USP36: variants seen among roughly 807,000 people sequenced by gnomAD.
The protein encoded by USP36 is ubiquitin specific peptidase 36, also known as ubiquitin carboxyl-terminal hydrolase 36.
A neutral mutation model predicts 111.5 loss-of-function variants in USP36; 59 were observed. That is an observed-to-expected ratio of 0.53 (90% confidence interval 0.43 to 0.66). The LOEUF (loss-of-function observed/expected upper bound fraction) is 0.66. USP36 is among the 30% of genes least tolerant of loss of function. The probability of loss-of-function intolerance (pLI) is 0.00; values close to 1 mark genes in which losing one functional copy is unlikely to be tolerated. For missense variants in USP36, 1,488 were observed against 1,468.0 expected, an observed-to-expected ratio of 1.01 and a Z score of -0.22; for synonymous variants, 628 against 581.0, an observed-to-expected ratio of 1.08 and a Z score of -1.16.
In USP36 at chr17:78,802,388, A is replaced by G. The variant is rs770127933; in HGVS notation, c.2958T>C (p.Ala986=). The part of the protein sequence containing the change: ...KCPRSAKPQD[A]VVPESSSCAP... ...CGCAGCTGCTGGACTCGGGGACAACAGCATCTTGGGGCTTGGCACTCCTTG... is the reference window on the plus strand; with the variant it reads ...CGCAGCTGCTGGACTCGGGGACAACGGCATCTTGGGGCTTGGCACTCCTTG... The change falls in exon 17 of 21, where the codon GCT becomes GCC. Residue 986 remains alanine (A), a synonymous_variant. Coordinates refer to ENST00000449938, the MANE Select transcript of USP36 (RefSeq NM_001385174.1). 3.1e-6 allele frequency: 5 copies of G among 1,609,608 alleles called. No individual in the cohort carries two copies. In the South Asian group the frequency reaches 4.4e-5, roughly 14 times the overall value.
chr17:78,818,326 T>G (rs1000959947), intron 10 of USP36, among the ~76,000 whole-genome samples: 3 of 152,150 alleles, frequency 2.0e-5, no homozygotes, highest in African/African-American at 7.2e-5. Context: ...ACAGTGGCCC[T>G]GGAACTTGAC....
At position 78,807,301 on chromosome 17, in the gene USP36, G is replaced by T. The variant is rs996284931; in HGVS notation, c.1743C>A (p.Thr581=). The change falls in exon 14 of 21, where the codon ACC becomes ACA. Residue 581 remains threonine, a synonymous_variant. Transcript: ENST00000449938. ...TGGCTGTAGCCAGGAGCTTAGGTGA[G>T]GTAGAGAGGACAACATCCCTGCTGT... ...SWDSRDVVLS[T]SPKLLATATA... 1 of 1,614,198 alleles carries T rather than the reference G, an allele frequency of 6.2e-7. No individual in the cohort carries two copies. Among genetic ancestry groups the T allele is most frequent in the Non-Finnish European group, 8.5e-7 (1 of 1,180,016 alleles).
chr17:78,838,875 C>T (rs548864508), intron 1 of USP36, 125 bp from the exon 2 acceptor site: 1 of 152,306 alleles, frequency 6.6e-6, no homozygotes, highest in Admixed American at 6.5e-5. Flanking sequence ...CAAGGAGCAT[C>T]CACGCGTGCA....
chr17:78,836,863 T>C (rs1401682804), intron 2 of USP36, among the ~76,000 whole-genome samples: 2 of 151,964 alleles, frequency 1.3e-5, no homozygotes, highest in Non-Finnish European at 2.9e-5. Flanking sequence ...TGAATTAGCA[T>C]GCAGGTCAGA....
At chr17:78,835,801 T>G (rs1317598006) in intron 3 of USP36, among the ~76,000 whole-genome samples, 1 of 152,152 alleles carries the variant, frequency 6.6e-6, no homozygotes, top group Non-Finnish European at 1.5e-5. Context: ...CACCACACTG[T>G]GCCCACATGC....
chr17:78,822,798 T>C (rs1214685842), intron 6 of USP36, among the ~76,000 whole-genome samples: 2 of 152,210 alleles, frequency 1.3e-5, no homozygotes, highest in African/African-American at 4.8e-5. Context: ...CTCACTGCTC[T>C]GGAACTGCCT....
At chr17:78,794,352 C>T (rs908314124), downstream of USP36, among the ~76,000 whole-genome samples, 4 of 152,320 alleles carry the variant, frequency 2.6e-5, no homozygotes, top group South Asian at 4.1e-4. Flanking sequence ...ACCTGCCCTG[C>T]GCTTTTGCAC....
intron 18 of USP36, among the ~76,000 whole-genome samples, chr17:78,799,377 G>C (rs1456263587): frequency 6.6e-6 from 1 of 152,142 alleles, no homozygotes; most frequent in Non-Finnish European, 1.5e-5. Flanking sequence ...GAAGAGCTTC[G>C]TCACTCTGCC....
In USP36 at chr17:78,836,494, T is replaced by TGATCCCCTGGATCAGC. The variant is rs575454536; in HGVS notation, c.-9-138_-9-123dup. The TGATCCCCTGGATCAGC allele has an allele frequency of 1.9e-4, 244 of 1,306,386 alleles. 3 individuals are homozygous for TGATCCCCTGGATCAGC. In the East Asian group the frequency reaches 4.5e-3, roughly 24 times the overall value. The allele number at this position is 1,306,386 out of a possible 1,614,324, so 80.9% of individuals were successfully genotyped here. ...CACCACAAAAGCTCCCCTGGATCAG[T>TGATCCCCTGGATCAGC]GATCCCCTGGATCAGCTGCACAAAG... On this transcript the variant is annotated intron_variant, in intron 2 of 20. Coordinates refer to ENST00000449938, the MANE Select transcript of USP36 (RefSeq NM_001385174.1).
chr17:78,823,958 T>C (rs1263642228), intron 6 of USP36, among the ~76,000 whole-genome samples: 1 of 151,934 alleles, frequency 6.6e-6, no homozygotes, highest in East Asian at 1.9e-4. Context: ...AAAGCAGCAA[T>C]GAACAAGAAT....
rs1049976084 is a variant in USP36, at chr17:78,807,646, C to A, written c.1408-10G>T. 4.6e-5 allele frequency: 69 copies of A among 1,515,228 alleles called. No homozygotes were observed. The highest frequency in any genetic ancestry group is 5.6e-5 in the African/African-American group (4 of 71,606). The allele number at this position is 1,515,228 out of a possible 1,614,324, so 93.9% of individuals were successfully genotyped here. On this transcript the variant is annotated splice_polypyrimidine_tract_variant and intron_variant, in intron 13 of 20. Coordinates refer to ENST00000449938, the MANE Select transcript of USP36 (RefSeq NM_001385174.1). ...TCCCAGAGTCTTGTCGCTAAGGAGA[C>A]CAAAGCAGAAAACACAACTGAGGAA...
intron 10 of USP36, 71 bp downstream of exon 10, chr17:78,818,596 A>G: frequency 7.3e-7 from 1 of 1,373,068 alleles, no homozygotes; most frequent in Non-Finnish European, 1.0e-6. Flanking sequence ...CGTGGCTATC[A>G]CTTTCTTCGT....
intron 3 of USP36, among the ~76,000 whole-genome samples, chr17:78,788,919 G>A (rs1430957969): frequency 1.3e-5 from 2 of 152,086 alleles, no homozygotes; most frequent in African/African-American, 4.8e-5. Context: ...GAGAGATGAG[G>A]CCAGGTGCGG....
chr17:78,808,785 T>C (rs761865292), intron 13 of USP36, among the ~76,000 whole-genome samples: 1 of 152,162 alleles, frequency 6.6e-6, no homozygotes, highest in Non-Finnish European at 1.5e-5. Flanking sequence ...ACCAAGAGGC[T>C]GTACCCGTTA....
In USP36 at chr17:78,835,564, C is replaced by G. The variant is rs2068587009; in HGVS notation, c.254-63G>C. On this transcript the variant is annotated intron_variant, in intron 3 of 20. Coordinates refer to ENST00000449938, the MANE Select transcript of USP36 (RefSeq NM_001385174.1). ...CGTAAGTCCACACACAGGTCGTCCA[C>G]AAAAAGAAACTCCTGAAGCATACAC... is the stretch of plus-strand genomic sequence containing the variant. The G allele has an allele frequency of 3.2e-5, 48 of 1,477,756 alleles. 1 individual carries two copies. The South Asian group carries it at 5.9e-4, about 18-fold the overall frequency. The allele number at this position is 1,477,756 out of a possible 1,614,324, so 91.5% of individuals were successfully genotyped here. A position where few individuals can be genotyped will look rare whatever the true frequency, so the allele number is the denominator to read the frequency against.
At chr17:78,824,682 T>C (rs1301560997) in intron 6 of USP36, among the ~76,000 whole-genome samples, 1 of 152,128 alleles carries the variant, frequency 6.6e-6, no homozygotes, top group Admixed American at 6.5e-5. Flanking sequence ...ATAAAATACA[T>C]AAATATGACA....
intron 13 of USP36, among the ~76,000 whole-genome samples, chr17:78,809,016 T>C (rs1450215968): frequency 6.6e-6 from 1 of 152,216 alleles, no homozygotes; most frequent in African/African-American, 2.4e-5. Context: ...TCCAGCCACA[T>C]CTATTTTTCA....
At chr17:78,824,131 G>A (rs1300452363) in intron 6 of USP36, among the ~76,000 whole-genome samples, 1 of 152,240 alleles carries the variant, frequency 6.6e-6, no homozygotes, top group Non-Finnish European at 1.5e-5. Flanking sequence ...ACTTATGAGA[G>A]GCCGGGCTTC....
Position 78,798,338 on chromosome 17 carries a change from T to A in USP36, c.*20+62A>T. Reference sequence around the variant, plus strand: ...CACACGCCACACCCCACCACACCCCTACACACATACACGGCACACACACCC... The same window carrying A: ...CACACGCCACACCCCACCACACCCCAACACACATACACGGCACACACACCC... On this transcript the variant is annotated intron_variant, in intron 20 of 20. Transcript: ENST00000449938. This position sits in a 1 kb window ranked among gnomAD's most constrained non-coding sequence, Gnocchi z 5.1. 1 of 1,588,330 alleles carries A rather than the reference T, an allele frequency of 6.3e-7. No homozygotes were observed. The highest frequency in any genetic ancestry group is 8.6e-7 in the Non-Finnish European group (1 of 1,169,042).
Sources: allele counts gnomAD v4.1 joint callset (sites outside exome capture counted in the v4.1 genomes callset), GRCh38; gene constraint gnomAD v4.1.1; non-coding constraint Gnocchi (gnomAD v3.1); transcripts MANE v1.5; gene names NCBI Gene and HGNC (gene_info 2026-07-23, HGNC 2026-07-21).